The following GTPBP10 variants were observed in gnomAD, a reference collection of about 807,000 sequenced individuals.
GTPBP10 encodes GTP binding protein 10, also known as GTP-binding protein 10.
In GTPBP10, 38 loss-of-function variants were observed where a neutral mutation model predicts 44.8. The observed-to-expected ratio is 0.85, with a 90% CI of 0.65 to 1.11. The LOEUF (loss-of-function observed/expected upper bound fraction) is 1.11, where lower values mean the gene tolerates loss of function less well. Among genes scored for constraint, GTPBP10 ranks in the 50% most tolerant of loss-of-function variants. The probability of loss-of-function intolerance (pLI) is 0.00; values close to 1 mark genes in which losing one functional copy is unlikely to be tolerated. For synonymous variants in GTPBP10, 152 were observed against 150.6 expected (o/e 1.01, Z -0.07); for missense variants, 462 against 453.7 (o/e 1.02, Z -0.17).
At chr7:90,363,330 G>T (rs999578656) in intron 4 of GTPBP10, among the ~76,000 whole-genome samples, 1 of 152,250 alleles carries the variant, frequency 6.6e-6, no homozygotes, top group South Asian at 2.1e-4. Flanking sequence ...GGCAGGGCTG[G>T]TGTTGACAAA....
chr7:90,389,811 C>A lies in GTPBP10; in HGVS notation c.*4657C>A, dbSNP rs1796586306. 6.6e-6 allele frequency: 1 copy of A among 151,788 alleles called. No homozygotes were observed. The allele number at this position is 151,788 out of a possible 1,614,324, so 9.4% of individuals were successfully genotyped here. A position where few individuals can be genotyped will look rare whatever the true frequency, so the allele number is the denominator to read the frequency against. ...TTCTATTTGTTTAGTTTTATTTATT[C>A]TTTTTAGAGACAGGGTCTCTCTGTG... On this transcript the variant is annotated 3_prime_UTR_variant, in exon 10 of 10. Transcript: ENST00000222511.
At chr7:90,347,501 G>GAA in intron 1 of GTPBP10, 3 of 460,238 alleles carry the variant, frequency 6.5e-6, no homozygotes, top group Non-Finnish European at 8.5e-6. Context: ...CAACTTTCTT[G>GAA]AAAAAAAAAT....
intron 6 of GTPBP10, among the ~76,000 whole-genome samples, chr7:90,375,503 A>G (rs1796330111): frequency 6.6e-6 from 1 of 152,216 alleles, no homozygotes; most frequent in Non-Finnish European, 1.5e-5. Context: ...GTATTTGGTT[A>G]TAATAGTGAT....
chr7:90,362,047 G>A (rs867364041), intron 4 of GTPBP10, among the ~76,000 whole-genome samples: 55 of 152,102 alleles, frequency 3.6e-4, no homozygotes, highest in Middle Eastern at 3.4e-3. Flanking sequence ...CTTGCTAGCG[G>A]TCTATCAATT....
rs1190593899 is a variant in GTPBP10, at chr7:90,388,001, T to A, written c.*2847T>A. 3 of 151,778 alleles carry A rather than the reference T, an allele frequency of 2.0e-5. No individual in the cohort carries two copies. Among genetic ancestry groups the A allele is most frequent in the African/African-American group, 7.2e-5 (3 of 41,392 alleles). The allele number at this position is 151,778 out of a possible 1,614,324, so 9.4% of individuals were successfully genotyped here. On this transcript the variant is annotated 3_prime_UTR_variant, in exon 10 of 10. Transcript: ENST00000222511. ...CATTTTGCACTGTGGCAAAGGGTAGTAGATGTGTGTTCAGGATTATTTGCT... is the reference window on the plus strand; with the variant it reads ...CATTTTGCACTGTGGCAAAGGGTAGAAGATGTGTGTTCAGGATTATTTGCT...
intron 4 of GTPBP10, chr7:90,371,213 G>A (rs1392094783): frequency 1.0e-6 from 1 of 971,460 alleles, no homozygotes; most frequent in Non-Finnish European, 1.2e-6. Flanking sequence ...TATTAACAGT[G>A]TCTGTCTACC....
intron 4 of GTPBP10, among the ~76,000 whole-genome samples, chr7:90,369,096 C>G (rs1796199114): frequency 2.6e-5 from 4 of 152,154 alleles, no homozygotes; most frequent in Admixed American, 1.3e-4. Context: ...CACTTCAGAC[C>G]CTGTTTGCCT....
intron 4 of GTPBP10, among the ~76,000 whole-genome samples, chr7:90,356,530 G>A (rs1795903184): frequency 6.6e-6 from 1 of 152,200 alleles, no homozygotes. Flanking sequence ...TGGCATGGAG[G>A]ACTCAGGTTA....
intron 5 of GTPBP10, 120 bp downstream of exon 5, chr7:90,372,348 A>G (rs1796273034): frequency 1.5e-6 from 1 of 663,740 alleles, no homozygotes; most frequent in Non-Finnish European, 2.5e-6. Flanking sequence ...AATTTTTGGC[A>G]GATAGACTAC....
At chr7:90,367,925 T>C (rs980170561) in intron 4 of GTPBP10, among the ~76,000 whole-genome samples, 3 of 152,244 alleles carry the variant, frequency 2.0e-5, no homozygotes, top group Admixed American at 6.5e-5. Context: ...GTGCTAGTTG[T>C]TCCTTTCCAT....
chr7:90,352,428 A>T (rs1245083446), intron 1 of GTPBP10, among the ~76,000 whole-genome samples: 1 of 152,262 alleles, frequency 6.6e-6, no homozygotes, highest in East Asian at 1.9e-4. Flanking sequence ...CATTTGCTTT[A>T]TACTATTAAA....
intron 4 of GTPBP10, among the ~76,000 whole-genome samples, chr7:90,369,820 C>G (rs1796222069): frequency 6.6e-6 from 1 of 152,202 alleles, no homozygotes; most frequent in South Asian, 2.1e-4. Flanking sequence ...CCTCCATGCA[C>G]TGCACCCACT....
At chr7:90,384,742 C>A in intron 9 of GTPBP10, 150 bp from the exon 10 acceptor site, 1 of 628,010 alleles carries the variant, frequency 1.6e-6, no homozygotes, top group Non-Finnish European at 2.6e-6. Flanking sequence ...TGGTAAAATC[C>A]AAAGGCTCTG....
At chr7:90,373,799 AT>A (rs1453199851) in intron 5 of GTPBP10, among the ~76,000 whole-genome samples, 1 of 152,202 alleles carries the variant, frequency 6.6e-6, no homozygotes, top group African/African-American at 2.4e-5. Flanking sequence ...CATTAGGCCT[AT>A]ACAGATTATA....
chr7:90,352,708 C>G (rs1300372496), intron 1 of GTPBP10, 108 bp from the exon 2 acceptor site: 1 of 748,340 alleles, frequency 1.3e-6, no homozygotes, highest in African/African-American at 1.8e-5. Flanking sequence ...ATGTGAAAAG[C>G]TATTAACGAC....
chr7:90,381,340 G>A (rs1287892919), intron 8 of GTPBP10, among the ~76,000 whole-genome samples: 1 of 152,122 alleles, frequency 6.6e-6, no homozygotes, highest in Non-Finnish European at 1.5e-5. Context: ...CCAAGTGTGA[G>A]GAGCTATCTC....
In GTPBP10 at chr7:90,385,276, T is replaced by A; in HGVS notation, c.*122T>A. 1 of 652,856 alleles carries A rather than the reference T, an allele frequency of 1.5e-6. No individual in the cohort carries two copies. The allele number at this position is 652,856 out of a possible 1,614,324, so 40.4% of individuals were successfully genotyped here. A position where few individuals can be genotyped will look rare whatever the true frequency, so the allele number is the denominator to read the frequency against. On this transcript the variant is annotated 3_prime_UTR_variant, in exon 10 of 10. Transcript: ENST00000222511. ...AAGCCAGGCTTAGAAAGACAAATGC[T>A]GCATAATCTCACTGTGGAATCTTAA... is the stretch of plus-strand genomic sequence containing the variant.
At chr7:90,372,512 T>C (rs1796279090) in intron 5 of GTPBP10, among the ~76,000 whole-genome samples, 2 of 119,182 alleles carry the variant, frequency 1.7e-5, no homozygotes, top group African/African-American at 7.3e-5. Flanking sequence ...GGACAGGGGT[T>C]TCGCCATGTT....
intron 4 of GTPBP10, among the ~76,000 whole-genome samples, chr7:90,367,828 G>A (rs947422205): frequency 4.6e-5 from 7 of 152,134 alleles, no homozygotes; most frequent in East Asian, 1.9e-4. Flanking sequence ...CCATTATGAC[G>A]TTAGCTGGTT....
Sources: allele counts gnomAD v4.1 joint callset (sites outside exome capture counted in the v4.1 genomes callset), GRCh38; gene constraint gnomAD v4.1.1; transcripts MANE v1.5; gene names NCBI Gene and HGNC (gene_info 2026-07-23, HGNC 2026-07-21).